PLAG1: variants seen among roughly 807,000 people sequenced by gnomAD.
PLAG1 encodes PLAG1 zinc finger, also known as zinc finger protein PLAG1.
In PLAG1, 7 loss-of-function variants were observed where a neutral mutation model predicts 35.5. The observed-to-expected ratio is 0.20, with a 90% CI of 0.11 to 0.37. The LOEUF (loss-of-function observed/expected upper bound fraction) is 0.37. PLAG1 is among the 10% of genes least tolerant of loss of function. The pLI, the probability that PLAG1 is intolerant of heterozygous loss-of-function variation, is 1.00. For synonymous variants in PLAG1, 229 were observed against 225.4 expected, an observed-to-expected ratio of 1.02 and a Z score of -0.14; for missense variants, 454 against 602.8, an observed-to-expected ratio of 0.75 and a Z score of 2.58.
At chr8:56,205,570 T>A (rs1218754689) in intron 1 of PLAG1, among the ~76,000 whole-genome samples, 1 of 151,888 alleles carries the variant, frequency 6.6e-6, no homozygotes, top group East Asian at 1.9e-4. Context: ...TTTATTCACA[T>A]AAGATGAATT....
chr8:56,194,415 T>C (rs553590816), intron 1 of PLAG1, among the ~76,000 whole-genome samples: 1 of 149,766 alleles, frequency 6.7e-6, no homozygotes, highest in African/African-American at 2.5e-5. Flanking sequence ...CTAATAAAGG[T>C]GGAGAATAAA....
chr8:56,175,255 A>G lies in PLAG1; in HGVS notation c.-216-4066T>C, dbSNP rs1002612913. Among the ~76,000 whole-genome samples the G allele has an allele frequency of 3.9e-5, 6 of 152,258 alleles. 1 individual carries two copies. The highest frequency in any genetic ancestry group is 3.9e-4 in the Admixed American group (6 of 15,282). On this transcript the variant is annotated intron_variant, in intron 2 of 4. Transcript: ENST00000316981. ...CTAAGAAATCAACTAATACAAGTAG[A>G]TAACATCAGTCTGGCTCCCATTCGT...
At chr8:56,210,442 C>T (rs1353916925) in intron 1 of PLAG1, among the ~76,000 whole-genome samples, 2 of 151,512 alleles carry the variant, frequency 1.3e-5, no homozygotes, top group South Asian at 2.1e-4. Flanking sequence ...GGGCTCACAC[C>T]TCCCTGCAGA....
chr8:56,197,986 G>T (rs1158719797), intron 1 of PLAG1, among the ~76,000 whole-genome samples: 1 of 152,174 alleles, frequency 6.6e-6, no homozygotes, highest in African/African-American at 2.4e-5. Flanking sequence ...TGACTCCAAA[G>T]AAGTGATCCC....
At chr8:56,174,437 C>T (rs1811629299) in intron 2 of PLAG1, among the ~76,000 whole-genome samples, 1 of 152,094 alleles carries the variant, frequency 6.6e-6, no homozygotes, top group South Asian at 2.1e-4. Context: ...ATTCACTTTC[C>T]ATAGTCTGTA....
chr8:56,181,788 C>T (rs905506727), intron 1 of PLAG1, among the ~76,000 whole-genome samples: 5 of 152,030 alleles, frequency 3.3e-5, no homozygotes, highest in African/African-American at 1.2e-4. Flanking sequence ...TCTGCCATAA[C>T]GTGGTATCAG....
At chr8:56,200,778 G>A (rs950326168) in intron 1 of PLAG1, among the ~76,000 whole-genome samples, 4 of 151,970 alleles carry the variant, frequency 2.6e-5, no homozygotes, top group African/African-American at 9.7e-5. Flanking sequence ...CTTTTTCAAA[G>A]CCCATCTCAA....
intron 1 of PLAG1, among the ~76,000 whole-genome samples, chr8:56,179,752 A>G (rs1387945257): frequency 7.0e-6 from 1 of 143,462 alleles, no homozygotes; most frequent in African/African-American, 2.5e-5. Context: ...GATTATTCAC[A>G]TTTTTGATAA....
In PLAG1 at chr8:56,168,152, C is replaced by T; in HGVS notation, c.118G>A (p.Asp40Asn). The T allele has an allele frequency of 6.2e-7, 1 of 1,613,642 alleles. No homozygotes were observed. The highest frequency in any genetic ancestry group is 8.5e-7 in the Non-Finnish European group (1 of 1,179,626). ...PRKNFPCQLC[D>N]KAFNSVEKLK... Reference sequence around the variant, plus strand: ...TTCTCAACACTGTTAAAGGCCTTGTCACACAGTTGGCAAGGAAAGTTTTTT... The same window carrying T: ...TTCTCAACACTGTTAAAGGCCTTGTTACACAGTTGGCAAGGAAAGTTTTTT... The change falls in exon 4 of 5, where the codon GAC becomes AAC. Residue 40 changes from aspartate to asparagine, a missense_variant. Transcript: ENST00000316981.
intron 1 of PLAG1, among the ~76,000 whole-genome samples, chr8:56,186,739 C>T (rs991562374): frequency 1.1e-4 from 16 of 149,428 alleles, no homozygotes; most frequent in Admixed American, 2.7e-4. Flanking sequence ...ATTTTGAGAC[C>T]GAGTTTCGCT....
intron 1 of PLAG1, among the ~76,000 whole-genome samples, chr8:56,206,280 T>C (rs1812699393): frequency 6.6e-6 from 1 of 151,966 alleles, no homozygotes; most frequent in Non-Finnish European, 1.5e-5. Flanking sequence ...AAAAATCAAA[T>C]TATGTCCCTG....
chr8:56,209,630 T>C (rs1389336092), intron 1 of PLAG1: 1 of 152,196 alleles, frequency 6.6e-6, no homozygotes, highest in Non-Finnish European at 1.5e-5. Context: ...TTTATACACA[T>C]AAAACCAGAA....
At position 56,168,031 on chromosome 8, in the gene PLAG1, T is replaced by G; in HGVS notation, c.239A>C (p.Gln80Pro). ...AAAGACAAATAGAGTTTAATACCTTTGTAATTTGTACTTAGAAACAAAGGC... is the reference window on the plus strand; with the variant it reads ...AAAGACAAATAGAGTTTAATACCTTGGTAATTTGTACTTAGAAACAAAGGC... ...TKAFVSKYKL[Q>P]RHMATHSPEK... The change falls in exon 4 of 5, where the codon CAA becomes CCA. Residue 80 changes from glutamine to proline, a missense_variant. By Grantham distance (76) the Gln-to-Pro change is moderately conservative. Coordinates refer to ENST00000316981, the MANE Select transcript of PLAG1 (RefSeq NM_002655.3). 1 of 1,507,186 alleles carries G rather than the reference T, an allele frequency of 6.6e-7. No individual in the cohort carries two copies. The highest frequency in any genetic ancestry group is 1.2e-5 in the South Asian group (1 of 85,424). 93.4% of individuals were successfully genotyped at this position (1,507,186 alleles called of 1,614,324 possible). A position where few individuals can be genotyped will look rare whatever the true frequency, so the allele number is the denominator to read the frequency against.
intron 2 of PLAG1, among the ~76,000 whole-genome samples, chr8:56,178,518 A>C (rs1343344472): frequency 6.6e-6 from 1 of 152,180 alleles, no homozygotes; most frequent in Non-Finnish European, 1.5e-5. Flanking sequence ...GTTGATGCTT[A>C]AACCCATAGA....
At position 56,164,442 on chromosome 8, in the gene PLAG1, T is replaced by C. The variant is rs1811295080; in HGVS notation, c.*1801A>G. The C allele has an allele frequency of 4.5e-6, 1 of 220,000 alleles. No homozygotes were observed. 13.6% of individuals were successfully genotyped at this position (220,000 alleles called of 1,614,324 possible). On this transcript the variant is annotated 3_prime_UTR_variant, in exon 5 of 5. Transcript: ENST00000316981. ...TTAAATAATGTATTATATTCAGTAA[T>C]CTGCACTCATTTTTAGAAATTCTTG...
At chr8:56,210,781 GAGGAGGAGGAGGAAA>G (rs1812871095) in intron 1 of PLAG1, among the ~76,000 whole-genome samples, 3 of 151,382 alleles carry the variant, frequency 2.0e-5, no homozygotes, top group Admixed American at 2.0e-4. Flanking sequence ...GGAGGAGGAG[GAGGAGGAGGAGGAAA>G]ACTTTTCAAA....
At chr8:56,201,361 C>A (rs1812547884) in intron 1 of PLAG1, among the ~76,000 whole-genome samples, 1 of 151,970 alleles carries the variant, frequency 6.6e-6, no homozygotes, top group Non-Finnish European at 1.5e-5. Context: ...AATTTAAGGC[C>A]AAAATTAATA....
chr8:56,203,097 T>G (rs1354295852), intron 1 of PLAG1, among the ~76,000 whole-genome samples: 1 of 152,170 alleles, frequency 6.6e-6, no homozygotes, highest in Non-Finnish European at 1.5e-5. Context: ...TCACGATCTT[T>G]AAGTAATTTT....
At chr8:56,168,857 C>T (rs1468605904) in intron 3 of PLAG1, among the ~76,000 whole-genome samples, 1 of 152,172 alleles carries the variant, frequency 6.6e-6, no homozygotes, top group African/African-American at 2.4e-5. Context: ...ACTGAAAACT[C>T]TTTTAGGCAC....
Sources: gnomAD v4.1 joint callset for allele counts (sites outside exome capture counted in the v4.1 genomes callset) on GRCh38, gnomAD v4.1.1 for gene constraint, MANE v1.5 for transcripts, NCBI Gene and HGNC (gene_info 2026-07-23, HGNC 2026-07-21) for gene names.